EXT1: variants seen among roughly 807,000 people sequenced by gnomAD.
EXT1 encodes exostosin-1.
A neutral mutation model predicts 82.5 loss-of-function variants in EXT1; 20 were observed. The ratio of observed to expected loss-of-function variants is 0.24; its 90% CI spans 0.17 to 0.35. The LOEUF (loss-of-function observed/expected upper bound fraction) is 0.35, where lower values mean the gene tolerates loss of function less well. Ranked by LOEUF, EXT1 falls within the 10% of genes least tolerant of loss-of-function variation. EXT1 has a pLI of 1.00. For synonymous variants in EXT1, 348 were observed against 350.8 expected, an observed-to-expected ratio of 0.99 and a Z score of 0.09; for missense variants, 757 against 936.5, an observed-to-expected ratio of 0.81 and a Z score of 2.50.
chr8:118,011,384 A>G (rs1815896273), intron 1 of EXT1, among the ~76,000 whole-genome samples: 1 of 152,200 alleles, frequency 6.6e-6, no homozygotes, highest in Admixed American at 6.5e-5. Flanking sequence ...GTGAATGACT[A>G]GCTGGAATTC....
chr8:117,951,637 A>G (rs1814493796), intron 1 of EXT1, among the ~76,000 whole-genome samples: 1 of 152,046 alleles, frequency 6.6e-6, no homozygotes, highest in African/African-American at 2.4e-5. Flanking sequence ...TATACAAGCC[A>G]CTCTTCTGGC....
chr8:117,987,323 A>T (rs924078755), intron 1 of EXT1, among the ~76,000 whole-genome samples: 1 of 152,194 alleles, frequency 6.6e-6, no homozygotes, highest in Non-Finnish European at 1.5e-5. Flanking sequence ...ACACTGGGAA[A>T]ACCCCAGATC....
In EXT1 at chr8:118,046,096, T is replaced by A. The variant is rs547127900; in HGVS notation, c.962+63989A>T. Among the ~76,000 whole-genome samples the A allele has an allele frequency of 1.0e-4, 15 of 150,602 alleles. No homozygotes were observed. In the East Asian group the frequency reaches 2.7e-3, roughly 27 times the overall value. The stretch of plus-strand genomic sequence containing the variant: ...CAGGCATGAGCCACCGTGCCCAGCC[T>A]AGATGTCTTTTTTTTTTTTTCTTTT... On this transcript the variant is annotated intron_variant, in intron 1 of 10. Transcript: ENST00000378204.
chr8:118,029,550 G>A (rs982301177), intron 1 of EXT1, among the ~76,000 whole-genome samples: 2 of 152,154 alleles, frequency 1.3e-5, no homozygotes, highest in Non-Finnish European at 2.9e-5. Flanking sequence ...CCCCCTTTGA[G>A]CTATGAGACC....
intron 1 of EXT1, among the ~76,000 whole-genome samples, chr8:117,959,835 T>C (rs80318526): frequency 0.024 from 3,651 of 152,330 alleles, 140 homozygotes; most frequent in African/African-American, 0.084. Flanking sequence ...CTCTAAAAGA[T>C]AGTAAAGTTA....
At chr8:117,991,604 T>C (rs1295160707) in intron 1 of EXT1, among the ~76,000 whole-genome samples, 3 of 152,056 alleles carry the variant, frequency 2.0e-5, no homozygotes, top group Admixed American at 2.0e-4. Flanking sequence ...CTCTGTCACC[T>C]AGGCTGGAGC....
intron 1 of EXT1, among the ~76,000 whole-genome samples, chr8:117,946,132 C>A (rs1814382398): frequency 6.6e-6 from 1 of 152,162 alleles, no homozygotes; most frequent in Non-Finnish European, 1.5e-5. Context: ...CTTCTGACCT[C>A]AGGTAATCTG....
chr8:118,056,771 C>T (rs1459815245), intron 1 of EXT1, among the ~76,000 whole-genome samples: 1 of 152,162 alleles, frequency 6.6e-6, no homozygotes, highest in African/African-American at 2.4e-5. Context: ...TTTGACAAGG[C>T]AAATTGTCAA....
intron 1 of EXT1, among the ~76,000 whole-genome samples, chr8:118,014,386 G>A (rs1586343799): frequency 6.6e-6 from 1 of 152,074 alleles, no homozygotes; most frequent in Admixed American, 6.6e-5. Context: ...TGTATTTTAT[G>A]CAAAATAGTC....
intron 1 of EXT1, among the ~76,000 whole-genome samples, chr8:117,859,573 T>C (rs1812644747): frequency 1.3e-5 from 2 of 152,190 alleles, no homozygotes; most frequent in African/African-American, 2.4e-5. Flanking sequence ...TGTATACACA[T>C]ATATTGCTTC....
intron 4 of EXT1, 41 bp from the exon 5 acceptor site, chr8:117,822,638 G>C: frequency 6.2e-7 from 1 of 1,606,192 alleles, no homozygotes; most frequent in Non-Finnish European, 8.5e-7. Context: ...ATGAGATCCT[G>C]ATGATATTTG....
At chr8:118,066,902 T>A (rs568753460) in intron 1 of EXT1, among the ~76,000 whole-genome samples, 1 of 152,300 alleles carries the variant, frequency 6.6e-6, no homozygotes, top group Admixed American at 6.5e-5. Context: ...GAAATAAAAG[T>A]TTTTTAAAAA....
At chr8:117,978,959 C>G (rs903694610) in intron 1 of EXT1, among the ~76,000 whole-genome samples, 2 of 152,120 alleles carry the variant, frequency 1.3e-5, no homozygotes, top group African/African-American at 4.8e-5. Flanking sequence ...ACCAGCAGAC[C>G]TCAGAGTGGA....
chr8:117,929,173 T>A (rs1231580789), intron 1 of EXT1, among the ~76,000 whole-genome samples: 2 of 152,122 alleles, frequency 1.3e-5, no homozygotes, highest in Non-Finnish European at 2.9e-5. Context: ...GTATTTTCTG[T>A]CTATGGGCTA....
At chr8:117,941,201 G>C (rs941774062) in intron 1 of EXT1, among the ~76,000 whole-genome samples, 1 of 152,204 alleles carries the variant, frequency 6.6e-6, no homozygotes, top group African/African-American at 2.4e-5. Flanking sequence ...CCAAAGTAGG[G>C]AGATTGTCAT....
intron 1 of EXT1, among the ~76,000 whole-genome samples, chr8:118,046,651 C>T (rs1563639467): frequency 6.6e-6 from 1 of 152,122 alleles, no homozygotes; most frequent in Non-Finnish European, 1.5e-5. Context: ...AAAATTAAAC[C>T]TAGAATTACA....
At chr8:117,878,230 C>T (rs1200228283) in intron 1 of EXT1, among the ~76,000 whole-genome samples, 1 of 152,186 alleles carries the variant, frequency 6.6e-6, no homozygotes, top group Non-Finnish European at 1.5e-5. Context: ...ATAGAGATCA[C>T]ACCATTGCAC....
At chr8:117,911,717 G>A (rs1463016412) in intron 1 of EXT1, among the ~76,000 whole-genome samples, 2 of 152,160 alleles carry the variant, frequency 1.3e-5, no homozygotes, top group African/African-American at 4.8e-5. Context: ...AAAGTGCCAG[G>A]TTCGAGGATA....
At chr8:117,804,533 T>G (rs1246611917) in intron 10 of EXT1, among the ~76,000 whole-genome samples, 189 bp downstream of exon 10, 1 of 152,238 alleles carries the variant, frequency 6.6e-6, no homozygotes, top group African/African-American at 2.4e-5. Flanking sequence ...AAAGATACTC[T>G]TAACTTGTGT....
Sources: allele counts gnomAD v4.1 joint callset (sites outside exome capture counted in the v4.1 genomes callset), GRCh38; gene constraint gnomAD v4.1.1; transcripts MANE v1.5; gene names NCBI Gene and HGNC (gene_info 2026-07-23, HGNC 2026-07-21).